The following DNAJC1 variants were observed in gnomAD, a reference collection of about 807,000 sequenced individuals.
DNAJC1 encodes the protein dnaJ homolog subfamily C member 1.
In DNAJC1, 58 loss-of-function variants were observed where a neutral mutation model predicts 76.6. The observed-to-expected ratio is 0.76, with a 90% CI of 0.61 to 0.94. The LOEUF (loss-of-function observed/expected upper bound fraction) is 0.94. Ranked by LOEUF, DNAJC1 falls within the 40% of genes least tolerant of loss-of-function variation. The probability of loss-of-function intolerance (pLI) is 0.00; values close to 1 mark genes in which losing one functional copy is unlikely to be tolerated. For synonymous variants in DNAJC1, 258 were observed against 267.9 expected (o/e 0.96, Z 0.36); for missense variants, 689 against 677.3 (o/e 1.02, Z -0.19).
At chr10:21,817,774 T>C (rs1171539358) in intron 8 of DNAJC1, among the ~76,000 whole-genome samples, 1 of 152,216 alleles carries the variant, frequency 6.6e-6, no homozygotes, top group African/African-American at 2.4e-5. Context: ...AATACTTTTA[T>C]AATTTCTTAT....
At chr10:21,784,139 G>C (rs555457626) in intron 9 of DNAJC1, among the ~76,000 whole-genome samples, 12 of 152,258 alleles carry the variant, frequency 7.9e-5, no homozygotes, top group Non-Finnish European at 1.5e-5. Context: ...GAAAATTTTT[G>C]CAATCTACCC....
intron 1 of DNAJC1, among the ~76,000 whole-genome samples, chr10:21,968,191 A>G (rs562281267): frequency 6.6e-6 from 1 of 152,350 alleles, no homozygotes; most frequent in East Asian, 1.9e-4. Context: ...CTCAAAGTAA[A>G]AGGATTAAAC....
chr10:21,790,347 C>G (rs1177511513), intron 9 of DNAJC1, among the ~76,000 whole-genome samples: 3 of 151,830 alleles, frequency 2.0e-5, no homozygotes, highest in Non-Finnish European at 4.4e-5. Context: ...AAAGATCCTC[C>G]CAGAGGCACA....
chr10:21,771,211 T>A (rs558109874), intron 9 of DNAJC1, among the ~76,000 whole-genome samples: 1 of 152,352 alleles, frequency 6.6e-6, no homozygotes, highest in South Asian at 2.1e-4. Flanking sequence ...CTCAAGATTT[T>A]CTATATATAA....
intron 9 of DNAJC1, among the ~76,000 whole-genome samples, chr10:21,804,208 T>C (rs898879758): frequency 4.6e-5 from 7 of 152,126 alleles, no homozygotes; most frequent in African/African-American, 1.2e-4. Context: ...AATTAAAATA[T>C]TGCTTTACTC....
At chr10:21,859,659 T>C (rs193131907) in intron 8 of DNAJC1, among the ~76,000 whole-genome samples, 1 of 152,276 alleles carries the variant, frequency 6.6e-6, no homozygotes, top group Admixed American at 6.5e-5. Flanking sequence ...ACATACTAGC[T>C]CTGTCTATGG....
chr10:21,887,000 T>C (rs759997076), intron 7 of DNAJC1, among the ~76,000 whole-genome samples: 1 of 152,148 alleles, frequency 6.6e-6, no homozygotes, highest in Admixed American at 6.6e-5. Context: ...CCCCATAGTT[T>C]CGGCCCAAAG....
chr10:21,933,043 G>C (rs975090459), intron 1 of DNAJC1: 2 of 152,236 alleles, frequency 1.3e-5, no homozygotes, highest in Non-Finnish European at 2.9e-5. Flanking sequence ...TTTAAGCTAA[G>C]TGTTATTACA....
At chr10:21,882,111 G>A (rs1005226000) in intron 8 of DNAJC1, among the ~76,000 whole-genome samples, 171 bp downstream of exon 8, 2 of 152,114 alleles carry the variant, frequency 1.3e-5, no homozygotes, top group Non-Finnish European at 2.9e-5. Context: ...CTGAGATTGC[G>A]CCACTGCACT....
At chr10:21,980,925 T>C (rs899375287) in intron 1 of DNAJC1, among the ~76,000 whole-genome samples, 1 of 152,058 alleles carries the variant, frequency 6.6e-6, no homozygotes, top group African/African-American at 2.4e-5. Flanking sequence ...TATTTGTAGC[T>C]CCCCTTAAAA....
At chr10:21,932,639 C>A (rs1188378643) in intron 1 of DNAJC1, among the ~76,000 whole-genome samples, 1 of 152,174 alleles carries the variant, frequency 6.6e-6, no homozygotes, top group East Asian at 1.9e-4. Context: ...TCAGAGTTGA[C>A]CTTGTTCTCA....
At chr10:21,947,318 T>C (rs1269041991) in intron 1 of DNAJC1, among the ~76,000 whole-genome samples, 2 of 152,110 alleles carry the variant, frequency 1.3e-5, no homozygotes, top group Admixed American at 1.3e-4. Flanking sequence ...TATATTCAGA[T>C]TTTTTTCAAT....
At chr10:21,799,249 T>G (rs544437281) in intron 9 of DNAJC1, among the ~76,000 whole-genome samples, 17 of 152,190 alleles carry the variant, frequency 1.1e-4, no homozygotes, top group Non-Finnish European at 2.2e-4. Context: ...TTACGTGTGG[T>G]TTCCATGTTC....
chr10:21,769,502 T>C (rs890980730), intron 9 of DNAJC1, among the ~76,000 whole-genome samples: 4 of 152,158 alleles, frequency 2.6e-5, no homozygotes, highest in Non-Finnish European at 5.9e-5. Context: ...AAATTTTTGC[T>C]CTCTATCACT....
chr10:21,764,300 A>G (rs1834271644), intron 10 of DNAJC1, among the ~76,000 whole-genome samples: 1 of 152,236 alleles, frequency 6.6e-6, no homozygotes, highest in Non-Finnish European at 1.5e-5. Context: ...ATATGCACAT[A>G]TGTGCATCAG....
chr10:21,835,304 A>G (rs968701844), intron 8 of DNAJC1, among the ~76,000 whole-genome samples: 8 of 152,200 alleles, frequency 5.3e-5, no homozygotes, highest in African/African-American at 1.9e-4. Context: ...CAGAAAGGAC[A>G]TCCACACCAA....
At position 21,885,074 on chromosome 10, in the gene DNAJC1, G is replaced by C. The variant is rs181843332; in HGVS notation, c.821-2635C>G. 2.2e-3 allele frequency among the ~76,000 whole-genome samples: 339 copies of C among 152,122 alleles called. 3 individuals are homozygous for C. The highest frequency in any genetic ancestry group is 7.8e-3 in the African/African-American group (323 of 41,510). On this transcript the variant is annotated intron_variant, in intron 7 of 11. Transcript: ENST00000376980. ...CCACTTAAAAGTCACAGAGTGGCAA[G>C]CTGGATAAAAAAACAAGACTCAATG...
At chr10:21,771,220 A>G (rs1483740495) in intron 9 of DNAJC1, among the ~76,000 whole-genome samples, 1 of 152,184 alleles carries the variant, frequency 6.6e-6, no homozygotes, top group Non-Finnish European at 1.5e-5. Context: ...TTCTATATAT[A>G]AAATCATGCC....
At chr10:21,926,416 T>A (rs867877222) in intron 3 of DNAJC1, among the ~76,000 whole-genome samples, 1 of 152,312 alleles carries the variant, frequency 6.6e-6, no homozygotes, top group Middle Eastern at 3.4e-3. Flanking sequence ...TCTATGACAA[T>A]TTCCCAAATT....
Sources: allele counts gnomAD v4.1 joint callset (sites outside exome capture counted in the v4.1 genomes callset), GRCh38; gene constraint gnomAD v4.1.1; transcripts MANE v1.5; gene names NCBI Gene and HGNC (gene_info 2026-07-23, HGNC 2026-07-21).